MIPOL1: variants seen among roughly 807,000 people sequenced by gnomAD.
MIPOL1 encodes the protein mirror-image polydactyly gene 1 protein.
A neutral mutation model predicts 60.9 loss-of-function variants in MIPOL1; 57 were observed. The ratio of observed to expected loss-of-function variants is 0.94; its 90% CI spans 0.76 to 1.17. The LOEUF (loss-of-function observed/expected upper bound fraction) is 1.17. MIPOL1 is among the 50% of genes most tolerant of loss of function. The probability of loss-of-function intolerance (pLI) is 0.00; values close to 1 mark genes in which losing one functional copy is unlikely to be tolerated. For missense variants in MIPOL1, 551 were observed against 511.6 expected, an observed-to-expected ratio of 1.08 and a Z score of -0.74; for synonymous variants, 179 against 168.8, an observed-to-expected ratio of 1.06 and a Z score of -0.47.
intron 1 of MIPOL1, among the ~76,000 whole-genome samples, chr14:37,202,129 C>T (rs1006370103): frequency 2.0e-5 from 3 of 152,128 alleles, no homozygotes; most frequent in Admixed American, 6.5e-5. Flanking sequence ...ACTGCACCAG[C>T]CCATTTCTTG....
chr14:37,464,971 G>A (rs144311119), intron 11 of MIPOL1, among the ~76,000 whole-genome samples: 27 of 152,154 alleles, frequency 1.8e-4, no homozygotes, highest in African/African-American at 6.3e-4. Flanking sequence ...GTGAAGTTTT[G>A]TTATCATTTT....
At chr14:37,445,319 A>C (rs1189235392) in intron 11 of MIPOL1, among the ~76,000 whole-genome samples, 1 of 152,224 alleles carries the variant, frequency 6.6e-6, no homozygotes, top group Non-Finnish European at 1.5e-5. Flanking sequence ...ACTCCCATTC[A>C]CAATTGCTTC....
At chr14:37,344,231 T>C (rs970922512) in intron 9 of MIPOL1, among the ~76,000 whole-genome samples, 86 of 152,178 alleles carry the variant, frequency 5.7e-4, no homozygotes, top group African/African-American at 2.0e-3. Flanking sequence ...GAATCACACA[T>C]TGCAAATGAT....
chr14:37,319,626 A>G (rs184657788), intron 9 of MIPOL1, among the ~76,000 whole-genome samples: 21 of 152,296 alleles, frequency 1.4e-4, no homozygotes, highest in Admixed American at 9.8e-4. Flanking sequence ...AAGGAGAGGA[A>G]TAGATTTGAA....
At chr14:37,261,710 G>A (rs1280119821) in intron 3 of MIPOL1, among the ~76,000 whole-genome samples, 3 of 152,062 alleles carry the variant, frequency 2.0e-5, no homozygotes, top group African/African-American at 7.2e-5. Flanking sequence ...TGTATATTTT[G>A]TGCTAACACT....
chr14:37,342,042 C>G (rs1373466762), intron 9 of MIPOL1, among the ~76,000 whole-genome samples: 1 of 152,068 alleles, frequency 6.6e-6, no homozygotes, highest in Non-Finnish European at 1.5e-5. Context: ...TTATTTCTCA[C>G]CAAGAGTTGA....
At chr14:37,215,074 G>A (rs182810894) in intron 1 of MIPOL1, among the ~76,000 whole-genome samples, 3 of 152,128 alleles carry the variant, frequency 2.0e-5, no homozygotes, top group Non-Finnish European at 4.4e-5. Context: ...GATAGCAGTA[G>A]CAAAATTAGT....
rs139117835 is a variant in MIPOL1 at position 37,226,098 on chromosome 14, T to G, written c.-198-21005T>G. Among the ~76,000 whole-genome samples the G allele has an allele frequency of 1.5e-4, 23 of 152,308 alleles. 2 individuals carry two copies. Among genetic ancestry groups the G allele is most frequent in the African/African-American group, 5.5e-4 (23 of 41,570 alleles). On this transcript the variant is annotated intron_variant, in intron 1 of 12. Transcript: ENST00000684589. ...TATTGTCCATATTGCTGTCAGCATT[T>G]TGGGCAAAGCCATTCAACAAGTCTC...
chr14:37,327,750 A>G (rs2089302256), intron 9 of MIPOL1, among the ~76,000 whole-genome samples: 1 of 152,222 alleles, frequency 6.6e-6, no homozygotes, highest in Non-Finnish European at 1.5e-5. Context: ...TCTAGCACAG[A>G]CAAAAAATAA....
intron 10 of MIPOL1, among the ~76,000 whole-genome samples, chr14:37,417,860 G>A (rs1405094012): frequency 2.6e-5 from 4 of 152,048 alleles, no homozygotes; most frequent in Admixed American, 2.6e-4. Flanking sequence ...GGTAAAATAA[G>A]CAATGTTTTC....
rs371453629 is a variant in MIPOL1 at position 37,210,085 on chromosome 14, C to T, written c.-199+11981C>T. 3.0e-3 allele frequency among the ~76,000 whole-genome samples: 457 copies of T among 152,038 alleles called. 3 individuals carry two copies. Among genetic ancestry groups the T allele is most frequent in the African/African-American group, 0.01 (432 of 41,472 alleles). ...CTTGTATGTATGTGTTTTTGAAAAA[C>T]GCTCAAACTGTGTTTCCCTCTTCTC... is the stretch of plus-strand genomic sequence containing the variant. On this transcript the variant is annotated intron_variant, in intron 1 of 12. Transcript: ENST00000684589.
At chr14:37,400,607 C>G (rs1304725100) in intron 10 of MIPOL1, 1 of 152,000 alleles carries the variant, frequency 6.6e-6, no homozygotes, top group African/African-American at 2.4e-5. Context: ...GGAAGGAAAA[C>G]AAATACAATT....
At chr14:37,437,219 A>C (rs577848740) in intron 11 of MIPOL1, among the ~76,000 whole-genome samples, 1 of 152,224 alleles carries the variant, frequency 6.6e-6, no homozygotes, top group East Asian at 1.9e-4. Flanking sequence ...CCTGGTTCTG[A>C]TTGAATCACA....
chr14:37,325,072 C>T (rs902053379), intron 9 of MIPOL1, among the ~76,000 whole-genome samples: 12 of 152,064 alleles, frequency 7.9e-5, no homozygotes, highest in African/African-American at 2.9e-4. Flanking sequence ...TACAAAACAC[C>T]TGATAGGCTT....
intron 1 of MIPOL1, among the ~76,000 whole-genome samples, chr14:37,223,843 A>C (rs547801505): frequency 3.2e-4 from 48 of 152,314 alleles, no homozygotes; most frequent in Non-Finnish European, 6.2e-4. Context: ...TTAAATTTAA[A>C]GGGCTGTCTT....
intron 10 of MIPOL1, among the ~76,000 whole-genome samples, chr14:37,412,695 G>A (rs1443141330): frequency 6.6e-6 from 1 of 152,002 alleles, no homozygotes; most frequent in Non-Finnish European, 1.5e-5. Flanking sequence ...ATGTGAGGGT[G>A]ATGGAAATAA....
chr14:37,422,471 CAGTGG>C (rs899979159), intron 10 of MIPOL1, among the ~76,000 whole-genome samples: 2 of 151,844 alleles, frequency 1.3e-5, no homozygotes, highest in Non-Finnish European at 2.9e-5. Context: ...TATGTTCAGG[CAGTGG>C]AGCCACATTA....
intron 11 of MIPOL1, among the ~76,000 whole-genome samples, chr14:37,424,252 T>C (rs2093923680): frequency 6.6e-6 from 1 of 152,178 alleles, no homozygotes; most frequent in Non-Finnish European, 1.5e-5. Flanking sequence ...GATTTTATTT[T>C]GAAATAGGGT....
chr14:37,350,581 A>G (rs537562686), intron 9 of MIPOL1, among the ~76,000 whole-genome samples: 2 of 152,276 alleles, frequency 1.3e-5, no homozygotes, highest in East Asian at 3.9e-4. Flanking sequence ...TGTTACAAAC[A>G]ATCAGTTATA....
Sources: gnomAD v4.1 joint callset for allele counts (sites outside exome capture counted in the v4.1 genomes callset) on GRCh38, gnomAD v4.1.1 for gene constraint, MANE v1.5 for transcripts, NCBI Gene and HGNC (gene_info 2026-07-23, HGNC 2026-07-21) for gene names.